Variants in PALLD observed in about 807,000 individuals in gnomAD.
The protein encoded by PALLD is palladin, cytoskeletal associated protein, also known as palladin.
In PALLD, 61 loss-of-function variants were observed where a neutral mutation model predicts 123.5. The observed-to-expected ratio is 0.49, with a 90% confidence interval of 0.40 to 0.61. PALLD has a LOEUF of 0.61. Ranked by LOEUF, PALLD falls within the 20% of genes least tolerant of loss-of-function variation. The pLI is 0.00. For missense variants in PALLD, 1,273 were observed against 1,377.0 expected (o/e 0.92, Z 1.20); for synonymous variants, 465 against 496.4 (o/e 0.94, Z 0.84).
intron 1 of PALLD, among the ~76,000 whole-genome samples, 186 bp downstream of exon 1, chr4:168,497,380 C>G (rs892190975): frequency 6.6e-6 from 1 of 152,084 alleles, no homozygotes; most frequent in Admixed American, 6.5e-5. Flanking sequence ...ACAGATAATA[C>G]GTAAGATTTG....
intron 10 of PALLD, among the ~76,000 whole-genome samples, chr4:168,834,534 C>T (rs1288340350): frequency 3.9e-5 from 6 of 152,024 alleles, no homozygotes; most frequent in African/African-American, 7.2e-5. Context: ...GTCAGGAGTT[C>T]GAGACCAGCC....
intron 2 of PALLD, among the ~76,000 whole-genome samples, chr4:168,551,939 C>T (rs1766778521): frequency 1.3e-5 from 2 of 152,108 alleles, no homozygotes; most frequent in African/African-American, 4.8e-5. Context: ...TCATGACATA[C>T]CAAGTCAAAT....
chr4:168,752,856 T>A (rs1024195293), intron 10 of PALLD, among the ~76,000 whole-genome samples: 1 of 152,124 alleles, frequency 6.6e-6, no homozygotes, highest in African/African-American at 2.4e-5. Flanking sequence ...ACCTAAAATC[T>A]TTTAAAACTT....
rs531792422 is a variant in PALLD at position 168,882,027 on chromosome 4, A to G, written c.1965-8895A>G. Among the ~76,000 whole-genome samples the G allele has an allele frequency of 2.6e-5, 4 of 152,352 alleles. No individual in the cohort carries two copies. In the East Asian group the frequency reaches 7.7e-4, roughly 29 times the overall value. On this transcript the variant is annotated intron_variant, in intron 10 of 21. Transcript: ENST00000505667. The stretch of plus-strand genomic sequence containing the variant: ...ATCTGTGCTCATAAGGGAGTGCCAC[A>G]TAGCCACAGTGCCACAATGTTGTAT...
chr4:168,670,606 G>A (rs1192249306), intron 3 of PALLD, among the ~76,000 whole-genome samples: 3 of 150,804 alleles, frequency 2.0e-5, no homozygotes, highest in African/African-American at 4.9e-5. Flanking sequence ...GGTGGCGGGC[G>A]CCTGTAGTCC....
chr4:168,850,631 A>C (rs1463039179), intron 10 of PALLD, among the ~76,000 whole-genome samples: 2 of 131,240 alleles, frequency 1.5e-5, no homozygotes, highest in African/African-American at 2.8e-5. Flanking sequence ...TCCCAGGTTC[A>C]AGCTATTCTC....
chr4:168,608,212 A>C (rs542936627), intron 2 of PALLD, among the ~76,000 whole-genome samples: 1 of 152,222 alleles, frequency 6.6e-6, no homozygotes, highest in Admixed American at 6.5e-5. Flanking sequence ...GCAGATAAAT[A>C]GGAGCCCATT....
At chr4:168,888,838 G>T (rs924077557) in intron 10 of PALLD, among the ~76,000 whole-genome samples, 1 of 152,142 alleles carries the variant, frequency 6.6e-6, no homozygotes, top group Non-Finnish European at 1.5e-5. Context: ...ATTCAGCAAG[G>T]AAACAAAGGG....
chr4:168,498,237 C>T (rs1421534662), intron 1 of PALLD, among the ~76,000 whole-genome samples: 1 of 152,178 alleles, frequency 6.6e-6, no homozygotes, highest in African/African-American at 2.4e-5. Context: ...TACATGATTA[C>T]ACATTCCTAG....
intron 10 of PALLD, among the ~76,000 whole-genome samples, chr4:168,761,645 G>GTTTTTTTGTTTTTTTTTTTTT (rs1732873381): frequency 2.3e-5 from 2 of 88,024 alleles, no homozygotes; most frequent in African/African-American, 8.3e-5. Flanking sequence ...GTTGTTGTTT[G>GTTTTTTTGTTTTTTTTTTTTT]TTTTTTTTTT....
intron 2 of PALLD, among the ~76,000 whole-genome samples, chr4:168,570,263 G>T (rs962820908): frequency 6.6e-6 from 1 of 152,150 alleles, no homozygotes; most frequent in African/African-American, 2.4e-5. Context: ...TACTGTCTTT[G>T]TAAATGCTGA....
chr4:168,560,845 G>T (rs371464363), intron 2 of PALLD, among the ~76,000 whole-genome samples: 1 of 152,182 alleles, frequency 6.6e-6, no homozygotes, highest in Non-Finnish European at 1.5e-5. Context: ...CCAGTTGAAT[G>T]CCCACTCTGG....
At chr4:168,845,534 T>C (rs1476466533) in intron 10 of PALLD, among the ~76,000 whole-genome samples, 1 of 152,172 alleles carries the variant, frequency 6.6e-6, no homozygotes, top group African/African-American at 2.4e-5. Context: ...ATAAGTAATC[T>C]AGAGATGATT....
intron 2 of PALLD, among the ~76,000 whole-genome samples, chr4:168,580,240 GT>G (rs2149647941): frequency 1.6e-5 from 1 of 62,752 alleles, no homozygotes; most frequent in African/African-American, 1.0e-4. Context: ...TTTCACTGTG[GT>G]GTGTGTGTGT....
chr4:168,503,346 G>A lies in PALLD; in HGVS notation c.-83+6152G>A, dbSNP rs550885774. The stretch of plus-strand genomic sequence containing the variant: ...TTAAGAAAGTTTTCAAGGATGAACC[G>A]GAGTTTGAAAAACAGAAAGAGGGCT... On this transcript the variant is annotated intron_variant, in intron 1 of 21. Transcript: ENST00000505667. Among the ~76,000 whole-genome samples, 61 of 152,280 alleles carry A rather than the reference G, an allele frequency of 4.0e-4. 1 individual carries two copies. In the South Asian group the frequency reaches 0.01, roughly 26 times the overall value.
intron 2 of PALLD, among the ~76,000 whole-genome samples, chr4:168,561,014 G>T (rs1440550368): frequency 6.6e-6 from 1 of 152,124 alleles, no homozygotes; most frequent in Non-Finnish European, 1.5e-5. Flanking sequence ...AAACACATCT[G>T]CAGTCAAGAG....
At position 168,927,601 on chromosome 4, in the gene PALLD, TCAAAGA is replaced by T. The variant is rs1430524858; in HGVS notation, c.*1424_*1429del. The T allele has an allele frequency of 4.4e-6, 1 of 229,016 alleles. No individual in the cohort carries two copies. Among genetic ancestry groups the T allele is most frequent in the Non-Finnish European group, 8.7e-6 (1 of 115,324 alleles). The allele number at this position is 229,016 out of a possible 1,614,324, so 14.2% of individuals were successfully genotyped here. A position where few individuals can be genotyped will look rare whatever the true frequency, so the allele number is the denominator to read the frequency against. ...CAGGTTTGTGCCATAAAGTATTTTTTCAAAGACACCAAGATGTGGTAAATGAAAATT... is the reference window on the plus strand; with the variant it reads ...CAGGTTTGTGCCATAAAGTATTTTTTCACCAAGATGTGGTAAATGAAAATT... On this transcript the variant is annotated 3_prime_UTR_variant, in exon 22 of 22. Coordinates refer to ENST00000505667, the MANE Select transcript of PALLD (RefSeq NM_001166108.2).
chr4:168,581,003 GAAA>G (rs532214023), intron 2 of PALLD, among the ~76,000 whole-genome samples: 2 of 141,790 alleles, frequency 1.4e-5, no homozygotes, highest in African/African-American at 2.6e-5. Flanking sequence ...AGAGGTTCAG[GAAA>G]AAAAAAAAAC....
intron 10 of PALLD, among the ~76,000 whole-genome samples, chr4:168,741,950 C>G (rs1788390149): frequency 6.6e-6 from 1 of 152,142 alleles, no homozygotes; most frequent in African/African-American, 2.4e-5. Context: ...TGCCCTGTGA[C>G]CAGGACAAAA....
Sources: gnomAD v4.1 joint callset for allele counts (sites outside exome capture counted in the v4.1 genomes callset) on GRCh38, gnomAD v4.1.1 for gene constraint, MANE v1.5 for transcripts, NCBI Gene and HGNC (gene_info 2026-07-23, HGNC 2026-07-21) for gene names.